KCNN2: variants seen among roughly 807,000 people sequenced by gnomAD.
KCNN2 encodes potassium calcium-activated channel subfamily N member 2.
A neutral mutation model predicts 55.5 loss-of-function variants in KCNN2; 24 were observed. That is an observed-to-expected ratio of 0.43 (90% CI 0.31 to 0.61). The LOEUF is 0.61. Ranked by LOEUF, KCNN2 falls within the 20% of genes least tolerant of loss-of-function variation. The pLI, the probability that KCNN2 is intolerant of heterozygous loss-of-function variation, is 0.08. For missense variants in KCNN2, 754 were observed against 853.6 expected (o/e 0.88, Z 1.45); for synonymous variants, 431 against 336.1 (o/e 1.28, Z -3.09).
At chr5:114,128,967 T>C (rs964402383) in intron 1 of KCNN2, among the ~76,000 whole-genome samples, 1 of 152,130 alleles carries the variant, frequency 6.6e-6, no homozygotes, top group Non-Finnish European at 1.5e-5. Context: ...TTGGTCAAGG[T>C]CCTCCTTGAA....
chr5:114,409,611 A>G (rs760723469), intron 3 of KCNN2, among the ~76,000 whole-genome samples: 11 of 152,194 alleles, frequency 7.2e-5, no homozygotes, highest in Non-Finnish European at 1.5e-4. Context: ...TTAGATATCT[A>G]AAAAGAGACT....
rs766460496 is a variant in KCNN2, at chr5:114,487,037, G to C, written c.1891-13G>C. 9 of 1,612,288 alleles carry C rather than the reference G, an allele frequency of 5.6e-6. No individual in the cohort carries two copies. The East Asian group carries it at 1.6e-4, about 28-fold the overall frequency. Reference sequence around the variant, plus strand: ...CTGGAATTTATCAACTGCTTTGTTTGTTCTCTTAACAGGTAAAAAATGCAG... The same window carrying C: ...CTGGAATTTATCAACTGCTTTGTTTCTTCTCTTAACAGGTAAAAAATGCAG... On this transcript the variant is annotated splice_polypyrimidine_tract_variant and intron_variant, in intron 5 of 7. Coordinates refer to ENST00000673685, the MANE Select transcript of KCNN2 (RefSeq NM_021614.4).
At chr5:114,385,521 A>G (rs7733687) in intron 2 of KCNN2, among the ~76,000 whole-genome samples, 5,128 of 36,502 alleles carry the variant, frequency 0.14, 98 homozygotes, top group East Asian at 0.32. Flanking sequence ...ACATGCGCGC[A>G]CACACACACA....
chr5:114,438,302 A>C (rs1760081760), intron 3 of KCNN2, among the ~76,000 whole-genome samples: 1 of 152,172 alleles, frequency 6.6e-6, no homozygotes, highest in Non-Finnish European at 1.5e-5. Context: ...GTTTGGATGA[A>C]CTGCTCTATG....
chr5:114,173,847 A>G (rs1753087513), intron 1 of KCNN2, among the ~76,000 whole-genome samples: 1 of 152,006 alleles, frequency 6.6e-6, no homozygotes, highest in African/African-American at 2.4e-5. Context: ...GTCTAAGAAA[A>G]TCATTAGTGA....
Position 114,481,729 on chromosome 5 carries a change from A to C in KCNN2, c.1891-5321A>C, listed in dbSNP as rs545485983. Among the ~76,000 whole-genome samples, 4 of 151,318 alleles carry C rather than the reference A, an allele frequency of 2.6e-5. No homozygotes were observed. The South Asian group carries it at 8.3e-4, about 31-fold the overall frequency. The stretch of plus-strand genomic sequence containing the variant: ...GACCAATGGAACAGAAATGAAGTCC[A>C]CACACCTACAACCATCATGATCTTC... On this transcript the variant is annotated intron_variant, in intron 5 of 7. Transcript: ENST00000673685.
At position 114,250,488 on chromosome 5, in the gene KCNN2, C is replaced by G. The variant is rs189787404; in HGVS notation, c.-185+28923C>G. 5.3e-5 allele frequency among the ~76,000 whole-genome samples: 8 copies of G among 152,258 alleles called. No individual in the cohort carries two copies. The East Asian group carries it at 1.5e-3, about 29-fold the overall frequency. Reference sequence around the variant, plus strand: ...AGACCAGAGGTTTAGAAATGAAAGGCTGCTGTATCTGCTTTGATGTGTCAG... The same window carrying G: ...AGACCAGAGGTTTAGAAATGAAAGGGTGCTGTATCTGCTTTGATGTGTCAG... On this transcript the variant is annotated intron_variant, in intron 2 of 10. Coordinates refer to the KCNN2 transcript ENST00000512097.
At chr5:114,421,212 T>G (rs1165442550) in intron 3 of KCNN2, among the ~76,000 whole-genome samples, 1 of 136,862 alleles carries the variant, frequency 7.3e-6, no homozygotes, top group Non-Finnish European at 1.6e-5. Flanking sequence ...TGAACCAACA[T>G]ACATGAAATT....
intron 2 of KCNN2, among the ~76,000 whole-genome samples, chr5:114,322,598 C>CAT (rs1756633711): frequency 6.6e-6 from 1 of 151,868 alleles, no homozygotes; most frequent in Admixed American, 6.6e-5. Flanking sequence ...CACACACACA[C>CAT]ACACACATAC....
chr5:114,363,177 C>T lies in KCNN2; in HGVS notation c.1038C>T (p.Leu346=), dbSNP rs898832308. ...CCCTGTTCGAAAAGCGCAAGCGGCT[C>T]AGCGACTACGCGCTCATCTTCGGCA... ...RRALFEKRKR[L]SDYALIFGMF... The change falls in exon 1 of 8, where the codon CTC becomes CTT. Residue 346 remains leucine (L), a synonymous_variant. Coordinates refer to ENST00000673685, the MANE Select transcript of KCNN2 (RefSeq NM_021614.4). The T allele has an allele frequency of 1.3e-5, 21 of 1,613,486 alleles. No individual in the cohort carries two copies. The highest frequency in any genetic ancestry group is 2.2e-5 in the South Asian group (2 of 91,090).
rs577776846 is a variant in KCNN2, at chr5:114,453,859, G to T, written c.1638-9190G>T. Among the ~76,000 whole-genome samples, 24 of 152,016 alleles carry T rather than the reference G, an allele frequency of 1.6e-4. 1 individual carries two copies. The highest frequency in any genetic ancestry group is 9.8e-4 in the Admixed American group (15 of 15,276). ...CTGTGATACATGTGCTGAATGTGTA[G>T]GTTTGTTACATTGATATACATGTGT... On this transcript the variant is annotated intron_variant, in intron 3 of 7. Transcript: ENST00000673685.
intron 2 of KCNN2, among the ~76,000 whole-genome samples, chr5:114,252,505 A>G (rs1335526971): frequency 6.6e-6 from 1 of 152,144 alleles, no homozygotes; most frequent in Non-Finnish European, 1.5e-5. Context: ...TTCTCTCTCA[A>G]CAGTAAATGT....
At chr5:114,088,985 T>C (rs1278262301) in intron 1 of KCNN2, among the ~76,000 whole-genome samples, 5 of 152,240 alleles carry the variant, frequency 3.3e-5, no homozygotes, top group Admixed American at 3.3e-4. Flanking sequence ...ACTGAGTTTT[T>C]TAAATGTAAT....
intron 2 of KCNN2, among the ~76,000 whole-genome samples, chr5:114,334,285 T>A (rs987044461): frequency 2.0e-5 from 3 of 151,210 alleles, no homozygotes; most frequent in African/African-American, 7.3e-5. Flanking sequence ...TGTGTGTGTG[T>A]GTGTGTGTGT....
intron 1 of KCNN2, among the ~76,000 whole-genome samples, chr5:114,079,361 CAT>C (rs1750752139): frequency 6.6e-6 from 1 of 152,036 alleles, no homozygotes; most frequent in African/African-American, 2.4e-5. Flanking sequence ...AAAAAATAGA[CAT>C]CAGTTATTCT....
rs762807456 is a variant in KCNN2 at position 114,493,519 on chromosome 5, A to G, written c.2088+47A>G. 4.6e-5 allele frequency: 56 copies of G among 1,230,676 alleles called. 1 individual carries two copies. In the East Asian group the frequency reaches 1.1e-3, roughly 25 times the overall value. 76.2% of individuals were successfully genotyped at this position (1,230,676 alleles called of 1,614,324 possible). On this transcript the variant is annotated intron_variant, in intron 7 of 7. Coordinates refer to ENST00000673685, the MANE Select transcript of KCNN2 (RefSeq NM_021614.4). ...CTCCTAGTTGCATCTGTTGAAATCA[A>G]CCACTTCACAGTCACTAATCATGAA...
At chr5:114,057,479 A>T (rs1296391592) in intron 1 of KCNN2, among the ~76,000 whole-genome samples, 1 of 152,214 alleles carries the variant, frequency 6.6e-6, no homozygotes, top group Non-Finnish European at 1.5e-5. Context: ...CTCTTCATAC[A>T]TTACATATCT....
intron 3 of KCNN2, among the ~76,000 whole-genome samples, chr5:114,444,672 A>T (rs1421658161): frequency 3.3e-5 from 5 of 152,152 alleles, no homozygotes; most frequent in Non-Finnish European, 7.3e-5. Flanking sequence ...GGTATTTGGA[A>T]ATACCATCTT....
intron 1 of KCNN2, among the ~76,000 whole-genome samples, chr5:114,156,326 GC>G (rs1363009064): frequency 6.6e-6 from 1 of 152,096 alleles, no homozygotes; most frequent in Non-Finnish European, 1.5e-5. Context: ...GATGCCTCTA[GC>G]TTTGTTCTTT....
Sources: gnomAD v4.1 joint callset for allele counts (sites outside exome capture counted in the v4.1 genomes callset) on GRCh38, gnomAD v4.1.1 for gene constraint, MANE v1.5 for transcripts, NCBI Gene and HGNC (gene_info 2026-07-23, HGNC 2026-07-21) for gene names.